KIAA0232: variants seen among roughly 807,000 people sequenced by gnomAD.
KIAA0232 encodes the protein KIAA0232.
KIAA0232 carries 27 observed loss-of-function variants against 122.0 expected under a neutral mutation model. The ratio of observed to expected loss-of-function variants is 0.22; its 90% CI spans 0.16 to 0.31. The LOEUF (loss-of-function observed/expected upper bound fraction) is 0.31. Among genes scored for constraint, KIAA0232 ranks in the 10% least tolerant of loss-of-function variants. The pLI is 1.00. For synonymous variants in KIAA0232, 613 were observed against 587.6 expected (o/e 1.04, Z -0.63); for missense variants, 1,551 against 1,634.2 (o/e 0.95, Z 0.88).
At position 6,855,277 on chromosome 4, in the gene KIAA0232, G is replaced by A. The variant is rs527857868; in HGVS notation, c.370-1887G>A. On this transcript the variant is annotated intron_variant, in intron 4 of 9. Coordinates refer to ENST00000307659, the MANE Select transcript of KIAA0232 (RefSeq NM_014743.3). This position sits in a 1 kb window ranked among gnomAD's most constrained non-coding sequence, Gnocchi z 4.3. ...TTTTTTTTGTATTTTTAGTAGAAAC[G>A]GGGTTTCACCATGTTCGCCAGGCTA... Among the ~76,000 whole-genome samples the A allele has an allele frequency of 9.2e-5, 14 of 151,862 alleles. No individual in the cohort carries two copies. The highest frequency in any genetic ancestry group is 1.3e-4 in the Non-Finnish European group (9 of 67,958).
At chr4:6,854,813 CTTTG>C (rs1291079595) in intron 4 of KIAA0232, among the ~76,000 whole-genome samples, 1 of 151,990 alleles carries the variant, frequency 6.6e-6, no homozygotes, top group Non-Finnish European at 1.5e-5. Context: ...CTTAATCTTT[CTTTG>C]TTTTTTAAGA....
intron 8 of KIAA0232, among the ~76,000 whole-genome samples, chr4:6,875,629 A>G (rs908297911): frequency 3.3e-5 from 5 of 152,174 alleles, no homozygotes; most frequent in Non-Finnish European, 2.9e-5. Context: ...GGTGTTGTGC[A>G]AGGGGCAGGC....
intron 9 of KIAA0232, among the ~76,000 whole-genome samples, chr4:6,879,812 C>CAGGTCTGCAGTGCCCCCTCA (rs1491097861): frequency 9.2e-6 from 1 of 108,410 alleles, no homozygotes; most frequent in Non-Finnish European, 2.0e-5. Flanking sequence ...TCCCAACACA[C>CAGGTCTGCAGTGCCCCCTCA]CCATCTGCAG....
At chr4:6,814,514 A>C (rs1718030944) in intron 2 of KIAA0232, among the ~76,000 whole-genome samples, 1 of 152,168 alleles carries the variant, frequency 6.6e-6, no homozygotes, top group African/African-American at 2.4e-5. Flanking sequence ...AAACAATTTG[A>C]GTGTGGTAGT....
intron 8 of KIAA0232, among the ~76,000 whole-genome samples, chr4:6,875,885 T>G (rs1258680146): frequency 1.3e-5 from 2 of 152,172 alleles, no homozygotes; most frequent in Non-Finnish European, 2.9e-5. Context: ...CAGTTCTCAG[T>G]GCATTAGAAT....
intron 2 of KIAA0232, among the ~76,000 whole-genome samples, chr4:6,807,595 C>A (rs1489995292): frequency 6.6e-6 from 1 of 152,152 alleles, no homozygotes; most frequent in Non-Finnish European, 1.5e-5. Context: ...TTTCAGATAC[C>A]TAGGGTAAAC....
intron 7 of KIAA0232, among the ~76,000 whole-genome samples, chr4:6,870,814 A>AT (rs973715663): frequency 7.3e-5 from 11 of 151,146 alleles, no homozygotes; most frequent in Non-Finnish European, 1.3e-4. Flanking sequence ...AAAAAAAAAA[A>AT]AAAGGAAGTT....
chr4:6,865,941 C>T (rs1721154629), intron 7 of KIAA0232, among the ~76,000 whole-genome samples: 1 of 152,140 alleles, frequency 6.6e-6, no homozygotes, highest in Non-Finnish European at 1.5e-5. Flanking sequence ...GTGGACCATG[C>T]CTTACTTATT....
intron 2 of KIAA0232, among the ~76,000 whole-genome samples, chr4:6,807,032 G>GTCTATCTA (rs71173468): frequency 0.035 from 5,114 of 145,800 alleles, 98 homozygotes; most frequent in East Asian, 0.054. Flanking sequence ...CTGTCTGTCT[G>GTCTATCTA]TCTATCTATC....
At chr4:6,826,226 G>T (rs915862011) in intron 3 of KIAA0232, among the ~76,000 whole-genome samples, 6 of 152,204 alleles carry the variant, frequency 3.9e-5, no homozygotes, top group African/African-American at 1.4e-4. Flanking sequence ...GTTGCTTGCT[G>T]CCTTGGCTGG....
chr4:6,829,573 A>C (rs1390249471), intron 3 of KIAA0232, among the ~76,000 whole-genome samples: 4 of 152,238 alleles, frequency 2.6e-5, no homozygotes, highest in Non-Finnish European at 5.9e-5. Flanking sequence ...ATATGTAAGG[A>C]TTGCCTTATT....
intron 4 of KIAA0232, among the ~76,000 whole-genome samples, chr4:6,850,117 G>A (rs1027944792): frequency 6.6e-6 from 1 of 152,212 alleles, no homozygotes; most frequent in African/African-American, 2.4e-5. Context: ...AGTGGAAGGG[G>A]CTGCTGTAAA....
intron 8 of KIAA0232, among the ~76,000 whole-genome samples, chr4:6,872,994 A>G (rs1270606118): frequency 6.6e-6 from 1 of 152,214 alleles, no homozygotes; most frequent in East Asian, 1.9e-4. Flanking sequence ...GGTCATAAGG[A>G]GAGCGTAGAG....
At position 6,821,704 on chromosome 4, in the gene KIAA0232, G is replaced by A. The variant is rs80166026; in HGVS notation, c.-269-2481G>A. Among the ~76,000 whole-genome samples, 900 of 95,294 alleles carry A rather than the reference G, an allele frequency of 9.4e-3. 2 individuals carry two copies. Among genetic ancestry groups the A allele is most frequent in the Middle Eastern group, 0.025 (4 of 160 alleles). 62.5% of individuals were successfully genotyped at this position (95,294 alleles called of 152,430 possible). A position where few individuals can be genotyped will look rare whatever the true frequency, so the allele number is the denominator to read the frequency against. On this transcript the variant is annotated intron_variant, in intron 2 of 9. Transcript: ENST00000307659. ...TGTATATATGTGTGTGTGTGTGTGTGTATATATATATATGTATATACATAT... is the reference window on the plus strand; with the variant it reads ...TGTATATATGTGTGTGTGTGTGTGTATATATATATATATGTATATACATAT...
At chr4:6,843,488 C>T (rs1337341899) in intron 4 of KIAA0232, among the ~76,000 whole-genome samples, 1 of 152,150 alleles carries the variant, frequency 6.6e-6, no homozygotes, top group Non-Finnish European at 1.5e-5. Flanking sequence ...ATCTCTGAGG[C>T]CAGGAACAGT....
At position 6,862,938 on chromosome 4, in the gene KIAA0232, G is replaced by T. The variant is rs770635746; in HGVS notation, c.2556G>T (p.Ser852=). The change falls in exon 7 of 10, where the codon TCG becomes TCT. Residue 852 remains serine (S), a synonymous_variant. Coordinates refer to ENST00000307659, the MANE Select transcript of KIAA0232 (RefSeq NM_014743.3). ...EIERTDAELF[S]ADVNNYCCCL... ...AAAGAACTGATGCTGAGTTGTTTTC[G>T]GCAGATGTAAATAACTACTGCTGCT... 2 of 1,614,132 alleles carry T rather than the reference G, an allele frequency of 1.2e-6. No homozygotes were observed. Among genetic ancestry groups the T allele is most frequent in the Non-Finnish European group, 1.7e-6 (2 of 1,180,024 alleles).
rs1473800205 is a variant in KIAA0232 at position 6,863,940 on chromosome 4, G to A, written c.3558G>A (p.Lys1186=). The change falls in exon 7 of 10, where the codon AAG becomes AAA. Residue 1186 remains lysine (K), a synonymous_variant. Transcript: ENST00000307659. The part of the protein sequence containing the change: ...LPRLKKSGME[K]SAQTSLDSQE... ...GGTTAAAAAAATCTGGGATGGAAAA[G>A]AGTGCTCAGACATCACTGGATTCCC... 10 of 1,614,060 alleles carry A rather than the reference G, an allele frequency of 6.2e-6. No individual in the cohort carries two copies. The highest frequency in any genetic ancestry group is 8.5e-6 in the Non-Finnish European group (10 of 1,180,012).
rs547835342 is a variant in KIAA0232 at position 6,805,283 on chromosome 4, A to G, written c.-270+677A>G. Among the ~76,000 whole-genome samples the G allele has an allele frequency of 1.1e-3, 171 of 152,278 alleles. 1 individual carries two copies. Among genetic ancestry groups the G allele is most frequent in the African/African-American group, 4.0e-3 (166 of 41,564 alleles). On this transcript the variant is annotated intron_variant, in intron 2 of 9. Coordinates refer to ENST00000307659, the MANE Select transcript of KIAA0232 (RefSeq NM_014743.3). ...AGAAATGAACATATGTACTACTTTG[A>G]TCCTATTCTGAGTTCTCTAGTGTGT...
intron 2 of KIAA0232, among the ~76,000 whole-genome samples, chr4:6,804,951 T>C (rs1199839921): frequency 6.7e-6 from 1 of 149,756 alleles, no homozygotes; most frequent in African/African-American, 2.5e-5. Flanking sequence ...GAATGAATGC[T>C]CTCCTTCTTG....
Sources: gnomAD v4.1 joint callset for allele counts (sites outside exome capture counted in the v4.1 genomes callset) on GRCh38, gnomAD v4.1.1 for gene constraint, Gnocchi (gnomAD v3.1) non-coding constraint, MANE v1.5 for transcripts, NCBI Gene and HGNC (gene_info 2026-07-23, HGNC 2026-07-21) for gene names.